KANSL1: variants seen among roughly 807,000 people sequenced by gnomAD.
The protein encoded by KANSL1 is KAT8 regulatory NSL complex subunit 1.
Under a neutral mutation model 103.6 loss-of-function variants are expected in KANSL1, and 22 were observed. The ratio of observed to expected loss-of-function variants is 0.21; its 90% CI spans 0.15 to 0.30. KANSL1 has a LOEUF of 0.30. Among genes scored for constraint, KANSL1 ranks in the 10% least tolerant of loss-of-function variants. KANSL1 has a pLI of 1.00. For missense variants in KANSL1, 1,337 were observed against 1,399.8 expected (o/e 0.96, Z 0.72); for synonymous variants, 600 against 527.6 (o/e 1.14, Z -1.88).
At chr17:46,194,557 T>C (rs2047540661), upstream of KANSL1, among the ~76,000 whole-genome samples, 1 of 152,250 alleles carries the variant, frequency 6.6e-6, no homozygotes, top group African/African-American at 2.4e-5. Flanking sequence ...AGTGTAATTC[T>C]ACCACCCTTT....
intron 2 of KANSL1, among the ~76,000 whole-genome samples, chr17:46,100,389 C>G (rs80120913): frequency 0.14 from 20,755 of 148,292 alleles, 2,048 homozygotes; most frequent in Non-Finnish European, 0.21. Flanking sequence ...GCCGTGGGCC[C>G]AGACCACACG....
intron 6 of KANSL1, among the ~76,000 whole-genome samples, chr17:46,050,993 C>G (rs1325184379): frequency 6.6e-6 from 1 of 152,212 alleles, no homozygotes; most frequent in Admixed American, 6.5e-5. Context: ...AAACTTCTGA[C>G]AGTTTAAAAA....
At chr17:46,080,629 A>G (rs1462656498) in intron 4 of KANSL1, among the ~76,000 whole-genome samples, 1 of 152,166 alleles carries the variant, frequency 6.6e-6, no homozygotes, top group African/African-American at 2.4e-5. Context: ...ATTTAAGTCA[A>G]TAGCTTTTAA....
At chr17:46,046,528 CAAAAAAAAAAAAAAAA>C (rs58711350) in intron 7 of KANSL1, among the ~76,000 whole-genome samples, 1 of 33,176 alleles carries the variant, frequency 3.0e-5, no homozygotes, top group East Asian at 2.3e-3. Flanking sequence ...GAGACTCTGT[CAAAAAAAAAAAAAAAA>C]AAAAAAAAAA....
In KANSL1 at chr17:46,031,362, G is replaced by T; in HGVS notation, c.*114C>A. The T allele has an allele frequency of 1.0e-6, 1 of 981,640 alleles. No individual in the cohort carries two copies. The highest frequency in any genetic ancestry group is 1.5e-6 in the Non-Finnish European group (1 of 677,666). 60.8% of individuals were successfully genotyped at this position (981,640 alleles called of 1,614,324 possible). On this transcript the variant is annotated 3_prime_UTR_variant, in exon 15 of 15. Transcript: ENST00000432791. ...CCAAAGTAGGATCTAAATTCCTTAA[G>T]TTCACTAAAAACTGTGAAAATTTCC...
At chr17:46,199,636 C>T (rs960051754) in intron 1 of KANSL1, among the ~76,000 whole-genome samples, 1 of 152,216 alleles carries the variant, frequency 6.6e-6, no homozygotes, top group African/African-American at 2.4e-5. Flanking sequence ...ATACAAACTG[C>T]AGGATTTACA....
At chr17:46,067,190 T>C (rs1296257164) in intron 5 of KANSL1, among the ~76,000 whole-genome samples, 1 of 152,208 alleles carries the variant, frequency 6.6e-6, no homozygotes, top group Non-Finnish European at 1.5e-5. Flanking sequence ...GTTTTCTCCC[T>C]TGAATCTTCA....
chr17:46,050,737 A>T, intron 6 of KANSL1, 33 bp from the exon 7 acceptor site: 1 of 1,588,922 alleles, frequency 6.3e-7, no homozygotes, highest in Non-Finnish European at 8.6e-7. Flanking sequence ...CTGACAATTC[A>T]GCATCTGATA....
chr17:46,109,536 C>CA lies in KANSL1; in HGVS notation c.1290-14836dup, dbSNP rs58575986. ...CCTCCCTCAAAAACCACACCCCCAC[C>CA]AAAAAAAAACCCTTAAGAAATAATT... On this transcript the variant is annotated intron_variant, in intron 2 of 14. Transcript: ENST00000432791. 2.2e-3 allele frequency among the ~76,000 whole-genome samples: 336 copies of CA among 150,452 alleles called. 6 individuals are homozygous for CA. In the East Asian group the frequency reaches 0.042, roughly 19 times the overall value.
intron 1 of KANSL1, among the ~76,000 whole-genome samples, chr17:46,205,575 G>A (rs1298759837): frequency 2.6e-5 from 4 of 151,634 alleles, no homozygotes; most frequent in Non-Finnish European, 5.9e-5. Flanking sequence ...CAGCTACTCA[G>A]GAGGCTGAGG....
At position 46,176,667 on chromosome 17, in the gene KANSL1, G is replaced by C. The variant is rs181274917; in HGVS notation, c.-89-4435C>G. Among the ~76,000 whole-genome samples the C allele has an allele frequency of 1.2e-4, 18 of 150,210 alleles. No homozygotes were observed. The Admixed American group carries it at 1.2e-3, about 10-fold the overall frequency. On this transcript the variant is annotated intron_variant, in intron 1 of 14. Transcript: ENST00000432791. ...GATTGCACCACTGCACTCCAGCCGG[G>C]GCAACAAGAGCAAGACTCCATCTTA...
At chr17:46,039,295 C>G in intron 8 of KANSL1, 80 bp from the exon 9 acceptor site, 1 of 1,336,372 alleles carries the variant, frequency 7.5e-7, no homozygotes, top group Non-Finnish European at 1.0e-6. Context: ...CTCTCGAGTT[C>G]TCTCTAGGCC....
At chr17:46,198,635 G>C (rs1186292247), upstream of KANSL1, among the ~76,000 whole-genome samples, 1 of 152,174 alleles carries the variant, frequency 6.6e-6, no homozygotes, top group Non-Finnish European at 1.5e-5. Context: ...GGGAGGCTGA[G>C]GCAGGAGAAT....
intron 4 of KANSL1, among the ~76,000 whole-genome samples, chr17:46,069,061 G>A (rs1568412621): frequency 6.6e-6 from 1 of 152,116 alleles, no homozygotes; most frequent in Non-Finnish European, 1.5e-5. Flanking sequence ...GAGTAGCTGG[G>A]ATTACAGGCA....
Position 46,172,192 on chromosome 17 carries a change from G to T in KANSL1, c.-49C>A. The T allele has an allele frequency of 6.4e-7, 1 of 1,557,034 alleles. No homozygotes were observed. The highest frequency in any genetic ancestry group is 8.7e-7 in the Non-Finnish European group (1 of 1,153,150). ...CAGCCTCTCCCGATGCCGAGGCCGA[G>T]GCCAGCTCCACGGCCCCTTACTGCC... On this transcript the variant is annotated 5_prime_UTR_variant, in exon 2 of 15. Coordinates refer to ENST00000432791, the MANE Select transcript of KANSL1 (RefSeq NM_015443.4).
At chr17:46,186,734 TTTTC>T in intron 1 of KANSL1, among the ~76,000 whole-genome samples, 1 of 152,334 alleles carries the variant, frequency 6.6e-6, no homozygotes, top group East Asian at 1.9e-4. Flanking sequence ...GGTATTTCTT[TTTTC>T]TTTTTTTTGA....
At chr17:46,080,435 C>T (rs1039745840) in intron 4 of KANSL1, among the ~76,000 whole-genome samples, 4 of 151,172 alleles carry the variant, frequency 2.6e-5, no homozygotes, top group Middle Eastern at 3.5e-3. Flanking sequence ...CCCTCTGTCC[C>T]GGGCAACCTA....
At chr17:46,124,658 A>G (rs2043433224) in intron 2 of KANSL1, among the ~76,000 whole-genome samples, 1 of 152,234 alleles carries the variant, frequency 6.6e-6, no homozygotes, top group African/African-American at 2.4e-5. Context: ...TGAGTCACTC[A>G]TGATTCATGG....
intron 2 of KANSL1, among the ~76,000 whole-genome samples, chr17:46,140,157 GC>G (rs916474243): frequency 6.6e-6 from 1 of 151,912 alleles, no homozygotes; most frequent in African/African-American, 2.4e-5. Flanking sequence ...TATTTTTGTT[GC>G]CAAAATTTTA....
Sources: gnomAD v4.1 joint callset for allele counts (sites outside exome capture counted in the v4.1 genomes callset) on GRCh38, gnomAD v4.1.1 for gene constraint, MANE v1.5 for transcripts, NCBI Gene and HGNC (gene_info 2026-07-23, HGNC 2026-07-21) for gene names.